TMPRSS15: variants seen among roughly 807,000 people sequenced by gnomAD.
The protein encoded by TMPRSS15 is transmembrane serine protease 15.
TMPRSS15 carries 128 observed loss-of-function variants against 125.3 expected under a neutral mutation model. The ratio of observed to expected loss-of-function variants is 1.02; its 90% confidence interval spans 0.89 to 1.18. The LOEUF (loss-of-function observed/expected upper bound fraction) is 1.18, where lower values mean the gene tolerates loss of function less well. Ranked by LOEUF, TMPRSS15 falls within the 50% of genes most tolerant of loss-of-function variation. The pLI, the probability that TMPRSS15 is intolerant of heterozygous loss-of-function variation, is 0.00. For synonymous variants in TMPRSS15, 446 were observed against 423.2 expected (o/e 1.05, Z -0.66); for missense variants, 1,283 against 1,212.7 (o/e 1.06, Z -0.86).
chr21:18,403,022 A>C (rs2076111171), intron 1 of TMPRSS15, among the ~76,000 whole-genome samples: 2 of 152,228 alleles, frequency 1.3e-5, no homozygotes, highest in African/African-American at 2.4e-5. Context: ...AAATGGTTAG[A>C]CTGATAAGAG....
chr21:18,484,802 G>A (rs1370824881), intron 1 of TMPRSS15, among the ~76,000 whole-genome samples: 1 of 151,592 alleles, frequency 6.6e-6, no homozygotes, highest in Admixed American at 6.6e-5. Context: ...TAGCATCATT[G>A]GTAAATTGTC....
rs146794896 is a variant in TMPRSS15, at chr21:18,309,623, C to T, written c.2165+3322G>A. 7.6e-3 allele frequency among the ~76,000 whole-genome samples: 1,148 copies of T among 151,866 alleles called. 19 individuals are homozygous for T. The highest frequency in any genetic ancestry group is 0.025 in the African/African-American group (1,024 of 41,440). On this transcript the variant is annotated intron_variant, in intron 18 of 24. Transcript: ENST00000284885. ...CCCATCAAAAAGTGGGTGAAGGATG[C>T]GAACAGACAATTCTCAAAAGAAGAC...
chr21:18,294,214 G>A (rs1165707919), intron 21 of TMPRSS15, 56 bp downstream of exon 21: 31 of 1,603,900 alleles, frequency 1.9e-5, no homozygotes, highest in Admixed American at 1.8e-4. Context: ...TGGGACGCTT[G>A]GCAGTGTCTG....
intron 1 of TMPRSS15, among the ~76,000 whole-genome samples, chr21:18,409,752 T>C (rs1399961359): frequency 6.6e-6 from 1 of 152,042 alleles, no homozygotes; most frequent in Non-Finnish European, 1.5e-5. Context: ...CTGTTGAAAA[T>C]TTTTCTTTGA....
At chr21:18,339,073 T>C (rs887185792) in intron 13 of TMPRSS15, among the ~76,000 whole-genome samples, 26 of 152,202 alleles carry the variant, frequency 1.7e-4, no homozygotes, top group Admixed American at 1.7e-3. Context: ...AATTATACAT[T>C]GCTTCAAATA....
In TMPRSS15 at chr21:18,280,584, A is replaced by AC. The variant is rs1394310514; in HGVS notation, c.2668+455_2668+456insG. On this transcript the variant is annotated intron_variant, in intron 22 of 24. Transcript: ENST00000284885. ...GAGCGAGACTCCGTCTCAAAAAAAA[A>AC]AAAAAAAAAAACAACAAAACAACAA... 6.3e-3 allele frequency among the ~76,000 whole-genome samples: 917 copies of AC among 146,646 alleles called. 35 individuals are homozygous for AC. The highest frequency in any genetic ancestry group is 0.023 in the African/African-American group (855 of 36,840).
chr21:18,437,938 A>G (rs2076231619), intron 1 of TMPRSS15, among the ~76,000 whole-genome samples: 1 of 151,642 alleles, frequency 6.6e-6, no homozygotes, highest in African/African-American at 2.4e-5. Context: ...GGGATCTAGA[A>G]CTAGAAATAC....
intron 1 of TMPRSS15, among the ~76,000 whole-genome samples, chr21:18,445,078 A>G (rs1439526461): frequency 1.3e-5 from 2 of 152,022 alleles, no homozygotes; most frequent in African/African-American, 2.4e-5. Flanking sequence ...ACTTAACATA[A>G]TGTCTTCTAG....
At chr21:18,363,840 C>G (rs948820265) in intron 7 of TMPRSS15, among the ~76,000 whole-genome samples, 1 of 152,030 alleles carries the variant, frequency 6.6e-6, no homozygotes, top group African/African-American at 2.4e-5. Context: ...TTACTTAGAA[C>G]TGCCATTTTT....
intron 1 of TMPRSS15, among the ~76,000 whole-genome samples, chr21:18,401,237 C>G (rs888074509): frequency 6.6e-6 from 1 of 152,076 alleles, no homozygotes; most frequent in African/African-American, 2.4e-5. Flanking sequence ...GGGTATATAT[C>G]AAAAAGAAAA....
At chr21:18,412,272 TTTTATCTAATTTCCC>T (rs1940533797) in intron 1 of TMPRSS15, among the ~76,000 whole-genome samples, 1 of 152,208 alleles carries the variant, frequency 6.6e-6, no homozygotes, top group Non-Finnish European at 1.5e-5. Flanking sequence ...CTCAATGCTC[TTTTATCTAATTTCCC>T]TGCTATCATC....
chr21:18,407,592 G>A (rs1044070260), upstream of TMPRSS15, among the ~76,000 whole-genome samples: 3 of 151,712 alleles, frequency 2.0e-5, no homozygotes, highest in African/African-American at 7.3e-5. Context: ...GGCTAAAGGT[G>A]TGTGCCATCA....
intron 16 of TMPRSS15, among the ~76,000 whole-genome samples, chr21:18,323,278 A>G (rs976401429): frequency 3.3e-5 from 5 of 152,216 alleles, no homozygotes; most frequent in Non-Finnish European, 7.3e-5. Flanking sequence ...GGTAATTTAT[A>G]TGAAAAAGGA....
In TMPRSS15 at chr21:18,353,866, A is replaced by G; in HGVS notation, c.881-3T>C. On this transcript the variant is annotated splice_polypyrimidine_tract_variant and splice_region_variant and intron_variant, in intron 8 of 24. Transcript: ENST00000284885. ...AGGATTAGTTTCCCAAATAGAAGCT[A>G]CAAAATAAAATAAACAACTGTTATA... 6.2e-7 allele frequency: 1 copy of G among 1,610,024 alleles called. No homozygotes were observed. The highest frequency in any genetic ancestry group is 8.5e-7 in the Non-Finnish European group (1 of 1,177,036).
intron 1 of TMPRSS15, among the ~76,000 whole-genome samples, chr21:18,415,556 G>GA (rs2076177807): frequency 6.6e-6 from 1 of 151,742 alleles, no homozygotes; most frequent in African/African-American, 2.4e-5. Flanking sequence ...ATCTATTTTT[G>GA]TTTTTTTGAA....
intron 1 of TMPRSS15, among the ~76,000 whole-genome samples, chr21:18,481,547 T>A (rs979348034): frequency 7.2e-5 from 11 of 151,748 alleles, no homozygotes; most frequent in African/African-American, 2.7e-4. Flanking sequence ...TTAAACTTTG[T>A]ACACAAATTA....
intron 1 of TMPRSS15, among the ~76,000 whole-genome samples, chr21:18,425,817 A>T (rs1451679982): frequency 6.6e-6 from 1 of 152,148 alleles, no homozygotes; most frequent in Non-Finnish European, 1.5e-5. Context: ...GATAATTCAG[A>T]TGCATCAGTA....
At chr21:18,445,098 T>C (rs1037233609) in intron 1 of TMPRSS15, among the ~76,000 whole-genome samples, 1 of 152,188 alleles carries the variant, frequency 6.6e-6, no homozygotes, top group South Asian at 2.1e-4. Context: ...GGTTCATCCA[T>C]GTGTTCAGAA....
At chr21:18,367,065 G>T (rs2075745178) in intron 6 of TMPRSS15, among the ~76,000 whole-genome samples, 1 of 151,308 alleles carries the variant, frequency 6.6e-6, no homozygotes, top group Admixed American at 6.6e-5. Context: ...AATTTACTTT[G>T]GTAACTTAAG....
Sources: allele counts gnomAD v4.1 joint callset (sites outside exome capture counted in the v4.1 genomes callset), GRCh38; gene constraint gnomAD v4.1.1; transcripts MANE v1.5; gene names NCBI Gene and HGNC (gene_info 2026-07-23, HGNC 2026-07-21).